SVEP1: variants seen among roughly 807,000 people sequenced by gnomAD.
SVEP1 encodes sushi, von Willebrand factor type A, EGF and pentraxin domain containing 1.
SVEP1 carries 164 observed loss-of-function variants against 367.3 expected under a neutral mutation model. The observed-to-expected ratio is 0.45, with a 90% CI of 0.39 to 0.51. The LOEUF (loss-of-function observed/expected upper bound fraction) is 0.51, where lower values mean the gene tolerates loss of function less well. SVEP1 is among the 20% of genes least tolerant of loss of function. The pLI is 0.00. For synonymous variants in SVEP1, 1,666 were observed against 1,611.6 expected, an observed-to-expected ratio of 1.03 and a Z score of -0.81; for missense variants, 4,117 against 4,425.3, an observed-to-expected ratio of 0.93 and a Z score of 1.98.
At chr9:110,531,157 C>A (rs756541744) in intron 3 of SVEP1, among the ~76,000 whole-genome samples, 1 of 151,938 alleles carries the variant, frequency 6.6e-6, no homozygotes, top group South Asian at 2.1e-4. Flanking sequence ...GAATAGAGTA[C>A]CCTTGCTTTA....
chr9:110,456,753 AC>A (rs1227497754), intron 21 of SVEP1, among the ~76,000 whole-genome samples: 1 of 152,146 alleles, frequency 6.6e-6, no homozygotes, highest in Non-Finnish European at 1.5e-5. Context: ...ACTGTTAAAA[AC>A]CCCCATAATT....
rs908273373 is a variant in SVEP1, at chr9:110,389,543, T to G, written c.9867A>C (p.Gly3289=). The G allele has an allele frequency of 1.1e-5, 17 of 1,613,624 alleles. No homozygotes were observed. Among genetic ancestry groups the G allele is most frequent in the Non-Finnish European group, 1.4e-5 (17 of 1,179,796 alleles). ...RVCQENRQWS[G]GVAICKETRC... ...ACTCACCTTTGCATATTGCCACCCC[T>G]CCACTCCACTGTCTGTTCTCCTGGC... The change falls in exon 41 of 48, where the codon GGA becomes GGC. Residue 3289 remains glycine, a synonymous_variant. Coordinates refer to ENST00000374469, the MANE Select transcript of SVEP1 (RefSeq NM_153366.4).
Position 110,400,879 on chromosome 9 carries a change from T to A in SVEP1, c.9797A>T (p.Gln3266Leu). Residue 3266 changes from glutamine to leucine, a missense_variant, in exon 40 of 48, where the codon CAG becomes CTG. This residue lies in a region of SVEP1 where 1,765 missense variants were observed against 1,781.1 expected (regional missense o/e 0.99). Coordinates refer to ENST00000374469, the MANE Select transcript of SVEP1 (RefSeq NM_153366.4). ...CTCTAGTTCATAGCCAGGCTCACAC[T>A]GATAAATAATTGTGCTTTCAAAGGT... is the stretch of plus-strand genomic sequence containing the variant. The part of the protein sequence containing the change: ...KYTFESTIIY[Q>L]CEPGYELEGN... The A allele has an allele frequency of 6.2e-7, 1 of 1,613,770 alleles. No homozygotes were observed. Among genetic ancestry groups the A allele is most frequent in the Middle Eastern group, 1.6e-4 (1 of 6,062 alleles).
At chr9:110,384,230 A>AGTG (rs972141694) in intron 43 of SVEP1, among the ~76,000 whole-genome samples, 25 of 152,120 alleles carry the variant, frequency 1.6e-4, no homozygotes, top group African/African-American at 6.0e-4. Context: ...TGGTTTCCTG[A>AGTG]GTGGGGTAGC....
intron 3 of SVEP1, among the ~76,000 whole-genome samples, chr9:110,544,203 C>A (rs1029128064): frequency 6.6e-6 from 1 of 151,984 alleles, no homozygotes; most frequent in Non-Finnish European, 1.5e-5. Context: ...ACAAGAGAAC[C>A]ACATTTCTAT....
chr9:110,432,720 T>C (rs1828370467), intron 30 of SVEP1, 85 bp from the exon 31 acceptor site: 2 of 1,458,862 alleles, frequency 1.4e-6, no homozygotes, highest in African/African-American at 2.8e-5. Context: ...AGCAGTTCAG[T>C]TAAGCATGAC....
At chr9:110,491,877 A>T (rs1829371714) in intron 8 of SVEP1, among the ~76,000 whole-genome samples, 1 of 152,138 alleles carries the variant, frequency 6.6e-6, no homozygotes, top group Non-Finnish European at 1.5e-5. Context: ...GAAGAAAGCT[A>T]TGACTGTACA....
At chr9:110,539,815 A>T (rs1830122682) in intron 3 of SVEP1, among the ~76,000 whole-genome samples, 1 of 152,106 alleles carries the variant, frequency 6.6e-6, no homozygotes, top group African/African-American at 2.4e-5. Context: ...TATATTCTTA[A>T]TTGTGAGTCT....
chr9:110,486,660 T>A (rs963965685), intron 9 of SVEP1, among the ~76,000 whole-genome samples: 25 of 151,880 alleles, frequency 1.6e-4, no homozygotes, highest in Admixed American at 1.2e-3. Flanking sequence ...TCTCTCTTTT[T>A]TTTTTTAGAT....
rs1483832740 is a variant in SVEP1 at position 110,486,138 on chromosome 9, T to A, written c.1931-2445A>T. Among the ~76,000 whole-genome samples the A allele has an allele frequency of 2.0e-5, 3 of 152,206 alleles. No individual in the cohort carries two copies. The East Asian group carries it at 5.8e-4, about 29-fold the overall frequency. ...AGTTGCTGGATAAAGGATAAAGCAA[T>A]GCTCATAGCAGGTCAGTGTACTTTG... On this transcript the variant is annotated intron_variant, in intron 9 of 47. Coordinates refer to ENST00000374469, the MANE Select transcript of SVEP1 (RefSeq NM_153366.4).
chr9:110,370,036 C>T lies in SVEP1; in HGVS notation c.10601-20G>A. The T allele has an allele frequency of 2.5e-6, 4 of 1,601,702 alleles. No homozygotes were observed. Among genetic ancestry groups the T allele is most frequent in the South Asian group, 1.1e-5 (1 of 90,016 alleles). On this transcript the variant is annotated intron_variant, in intron 46 of 47. Coordinates refer to ENST00000374469, the MANE Select transcript of SVEP1 (RefSeq NM_153366.4). ...AAACAGCTGGAATAAAAAACCCATG[C>T]ATTTATTTAATTAATACTTAGCAAT...
intron 5 of SVEP1, among the ~76,000 whole-genome samples, chr9:110,505,913 T>C (rs10120671): frequency 1 from 151,758 of 152,076 alleles, 75,720 homozygotes; most frequent in Middle Eastern, 1. Context: ...TGGTTTGCTG[T>C]ACCCATCAAC....
intron 1 of SVEP1, among the ~76,000 whole-genome samples, chr9:110,567,290 T>C (rs950742169): frequency 1.3e-5 from 2 of 152,226 alleles, no homozygotes; most frequent in African/African-American, 4.8e-5. Context: ...TATACATCTC[T>C]GTAATTTCCT....
chr9:110,509,310 G>A (rs1432847754), intron 5 of SVEP1, among the ~76,000 whole-genome samples: 1 of 152,170 alleles, frequency 6.6e-6, no homozygotes, highest in African/African-American at 2.4e-5. Context: ...GCGTTTCATA[G>A]AACAATATCT....
intron 27 of SVEP1, among the ~76,000 whole-genome samples, chr9:110,438,358 T>C: frequency 6.6e-6 from 1 of 151,856 alleles, no homozygotes. Flanking sequence ...ATCCGGCTAA[T>C]TTTTGTATTT....
intron 23 of SVEP1, among the ~76,000 whole-genome samples, 199 bp from the exon 24 acceptor site, chr9:110,450,459 G>C (rs1353948391): frequency 7.3e-6 from 1 of 137,672 alleles, no homozygotes; most frequent in Admixed American, 7.7e-5. Context: ...CTGAGTTTTT[G>C]ATAATCTGTT....
intron 27 of SVEP1, among the ~76,000 whole-genome samples, chr9:110,442,194 C>T (rs956705050): frequency 6.6e-6 from 1 of 152,170 alleles, no homozygotes; most frequent in Non-Finnish European, 1.5e-5. Flanking sequence ...ATAGTGCTTG[C>T]CTCAGTGTGA....
intron 5 of SVEP1, among the ~76,000 whole-genome samples, chr9:110,511,105 T>C (rs1829704034): frequency 6.6e-6 from 1 of 152,198 alleles, no homozygotes; most frequent in Admixed American, 6.5e-5. Flanking sequence ...AACTATGAAA[T>C]GGACACAGTT....
intron 3 of SVEP1, among the ~76,000 whole-genome samples, chr9:110,520,573 C>T (rs1165360221): frequency 6.6e-6 from 1 of 152,130 alleles, no homozygotes; most frequent in African/African-American, 2.4e-5. Context: ...GCTGACCATG[C>T]AATTCTTTGA....
Sources: gnomAD v4.1 joint callset for allele counts (sites outside exome capture counted in the v4.1 genomes callset) on GRCh38, gnomAD v4.1.1 for gene constraint, gnomAD v4.1.1 regional missense constraint, MANE v1.5 for transcripts, NCBI Gene and HGNC (gene_info 2026-07-23, HGNC 2026-07-21) for gene names.